The following ACYP2 variants were observed in gnomAD, a reference collection of about 807,000 sequenced individuals.
ACYP2 encodes the protein acylphosphatase-2.
In ACYP2, 12 loss-of-function variants were observed where a neutral mutation model predicts 11.2. That is an observed-to-expected ratio of 1.08 (90% CI 0.69 to 1.74). The LOEUF is 1.74. ACYP2 is among the 40% of genes most tolerant of loss of function. The pLI is 0.00. For missense variants in ACYP2, 134 were observed against 101.9 expected (o/e 1.31, Z -1.35); for synonymous variants, 43 against 32.2 (o/e 1.33, Z -1.13).
intron 6 of ACYP2, among the ~76,000 whole-genome samples, chr2:54,236,283 C>G (rs539582493): frequency 5.5e-4 from 84 of 152,128 alleles, no homozygotes; most frequent in South Asian, 2.9e-3. Flanking sequence ...AACTTTTTAT[C>G]AAGGATGTTT....
chr2:54,171,888 C>T (rs890236866), intron 6 of ACYP2, among the ~76,000 whole-genome samples: 6 of 152,034 alleles, frequency 3.9e-5, no homozygotes, highest in African/African-American at 1.5e-4. Flanking sequence ...CGTTTTCTTT[C>T]CCTGTACTAA....
chr2:54,240,210 A>G (rs764404613), intron 6 of ACYP2, among the ~76,000 whole-genome samples: 2 of 152,222 alleles, frequency 1.3e-5, no homozygotes, highest in Non-Finnish European at 2.9e-5. Context: ...GGGTGTCACC[A>G]TGATCTTAGT....
At chr2:54,159,722 T>C (rs1170643152) in intron 6 of ACYP2, among the ~76,000 whole-genome samples, 1 of 152,090 alleles carries the variant, frequency 6.6e-6, no homozygotes, top group Non-Finnish European at 1.5e-5. Context: ...AATGAAGCTC[T>C]GGGGCAGCAC....
chr2:54,014,130 C>G (rs1358705983), intron 2 of ACYP2, among the ~76,000 whole-genome samples: 5 of 151,668 alleles, frequency 3.3e-5, no homozygotes, highest in Admixed American at 3.3e-4. Context: ...TGCACTCCAG[C>G]CTGGCAGACA....
chr2:53,982,234 C>G (rs993576728), intron 2 of ACYP2, among the ~76,000 whole-genome samples: 1 of 152,134 alleles, frequency 6.6e-6, no homozygotes, highest in Non-Finnish European at 1.5e-5. Context: ...GAATAGCCAG[C>G]AAGACATTCA....
In ACYP2 at chr2:54,181,359, G is replaced by C. The variant is rs77497804; in HGVS notation, c.404+42611G>C. Among the ~76,000 whole-genome samples the C allele has an allele frequency of 7.9e-3, 1,206 of 152,232 alleles. 13 individuals are homozygous for C. Among genetic ancestry groups the C allele is most frequent in the African/African-American group, 0.028 (1,166 of 41,540 alleles). On this transcript the variant is annotated intron_variant, in intron 6 of 6. Coordinates refer to ENST00000607452, the MANE Select transcript of ACYP2 (RefSeq NM_001320586.2). ...TTATGGAAGGTAGTGTGTTTGAATG[G>C]AGTGAGAGAAAACTAGAACTGAAGT...
At chr2:54,037,146 T>C (rs997528851) in intron 2 of ACYP2, among the ~76,000 whole-genome samples, 1 of 152,240 alleles carries the variant, frequency 6.6e-6, no homozygotes, top group African/African-American at 2.4e-5. Context: ...AGAATCTCGC[T>C]CTGTCACCCA....
chr2:54,033,722 G>A (rs1350804371), intron 2 of ACYP2, among the ~76,000 whole-genome samples: 1 of 152,254 alleles, frequency 6.6e-6, no homozygotes, highest in Non-Finnish European at 1.5e-5. Flanking sequence ...GTGGAGAACA[G>A]ACTGCAAGGA....
chr2:54,099,319 C>T (rs921786029), intron 4 of ACYP2, among the ~76,000 whole-genome samples: 5 of 152,154 alleles, frequency 3.3e-5, no homozygotes, highest in Non-Finnish European at 1.5e-5. Context: ...TAGCAATTTT[C>T]CAAGTATACA....
intron 6 of ACYP2, among the ~76,000 whole-genome samples, chr2:54,197,942 A>ATGATTGTATTG (rs1354658076): frequency 1.4e-5 from 1 of 69,514 alleles, no homozygotes; most frequent in Non-Finnish European, 3.3e-5. Context: ...TGTATGTATT[A>ATGATTGTATTG]TATTGTATTG....
intron 2 of ACYP2, among the ~76,000 whole-genome samples, chr2:54,010,884 G>C (rs976212386): frequency 2.0e-5 from 3 of 151,462 alleles, no homozygotes; most frequent in African/African-American, 7.3e-5. Context: ...GCCCAGGCTG[G>C]TCTCGAACTC....
At chr2:54,291,266 G>A (rs944106160) in intron 6 of ACYP2, among the ~76,000 whole-genome samples, 9 of 152,126 alleles carry the variant, frequency 5.9e-5, no homozygotes, top group African/African-American at 2.2e-4. Context: ...CCTTCTACAT[G>A]TCCTCTGTTG....
At chr2:54,164,496 G>A (rs1454384395) in intron 6 of ACYP2, among the ~76,000 whole-genome samples, 4 of 152,128 alleles carry the variant, frequency 2.6e-5, no homozygotes, top group African/African-American at 4.8e-5. Flanking sequence ...GGTAGGCACC[G>A]GCACTGGGTA....
chr2:54,265,206 G>A (rs914795217), intron 6 of ACYP2, among the ~76,000 whole-genome samples: 1 of 152,098 alleles, frequency 6.6e-6, no homozygotes, highest in Non-Finnish European at 1.5e-5. Flanking sequence ...AGGTTTAATG[G>A]ACTTACAGTT....
intron 4 of ACYP2, among the ~76,000 whole-genome samples, chr2:54,059,379 T>A (rs1045926072): frequency 2.0e-5 from 3 of 151,958 alleles, no homozygotes; most frequent in South Asian, 2.1e-4. Flanking sequence ...CAACCATGCC[T>A]GGCTAATTTT....
intron 6 of ACYP2, among the ~76,000 whole-genome samples, chr2:54,146,955 C>T (rs1360226203): frequency 1.3e-5 from 2 of 151,832 alleles, no homozygotes; most frequent in Admixed American, 1.3e-4. Flanking sequence ...CCACCACACC[C>T]AGCTAATTTT....
chr2:54,145,680 T>G (rs1260722275), intron 6 of ACYP2, among the ~76,000 whole-genome samples: 1 of 152,220 alleles, frequency 6.6e-6, no homozygotes, highest in East Asian at 1.9e-4. Flanking sequence ...CCTGTAAATT[T>G]GGTCAAATGA....
At chr2:54,279,637 C>T (rs13385032) in intron 6 of ACYP2, among the ~76,000 whole-genome samples, 7,135 of 151,954 alleles carry the variant, frequency 0.047, 589 homozygotes, top group African/African-American at 0.16. Context: ...AGCATTTTCA[C>T]GTCTCTGGAA....
intron 6 of ACYP2, among the ~76,000 whole-genome samples, chr2:54,182,758 A>G (rs1031516352): frequency 6.6e-6 from 1 of 152,126 alleles, no homozygotes; most frequent in Non-Finnish European, 1.5e-5. Context: ...TGAATTTAGA[A>G]CAGTTTGTTT....
Sources: gnomAD v4.1 joint callset for allele counts (sites outside exome capture counted in the v4.1 genomes callset) on GRCh38, gnomAD v4.1.1 for gene constraint, MANE v1.5 for transcripts, NCBI Gene and HGNC (gene_info 2026-07-23, HGNC 2026-07-21) for gene names.